The following ATOH8 variants were observed in gnomAD, a reference collection of about 807,000 sequenced individuals.
ATOH8 encodes transcription factor ATOH8.
A neutral mutation model predicts 21.2 loss-of-function variants in ATOH8; 9 were observed. That is an observed-to-expected ratio of 0.42 (90% CI 0.26 to 0.74). The LOEUF (loss-of-function observed/expected upper bound fraction) is 0.74, where lower values mean the gene tolerates loss of function less well. Among genes scored for constraint, ATOH8 ranks in the 30% least tolerant of loss-of-function variants. ATOH8 has a pLI of 0.24. For missense variants in ATOH8, 524 were observed against 470.9 expected (o/e 1.11, Z -1.04); for synonymous variants, 253 against 224.0 (o/e 1.13, Z -1.16).
chr2:85,770,581 G>A (rs571921254), intron 2 of ATOH8, among the ~76,000 whole-genome samples: 1 of 152,304 alleles, frequency 6.6e-6, no homozygotes, highest in East Asian at 1.9e-4. Flanking sequence ...CTCAGCTGCC[G>A]TTTCTCTTCT....
intron 1 of ATOH8, among the ~76,000 whole-genome samples, chr2:85,763,320 T>C (rs1397761794): frequency 2.6e-5 from 4 of 152,176 alleles, no homozygotes; most frequent in African/African-American, 9.7e-5. Flanking sequence ...TAGTTGGTGA[T>C]GAATCATTGA....
rs180907413 is a variant in ATOH8 at position 85,763,292 on chromosome 2, G to A, written c.769-699G>A. 1.1e-3 allele frequency among the ~76,000 whole-genome samples: 162 copies of A among 152,296 alleles called. 1 individual carries two copies. Among genetic ancestry groups the A allele is most frequent in the Non-Finnish European group, 1.9e-3 (131 of 68,026 alleles). On this transcript the variant is annotated intron_variant, in intron 1 of 2. Transcript: ENST00000306279. ...CATCTTTCACCCCATACAAATCCCT[G>A]TGCAATTAGTGAGGAGCTAGTTGGT...
intron 1 of ATOH8, among the ~76,000 whole-genome samples, chr2:85,758,347 G>A (rs989027865): frequency 1.3e-5 from 2 of 152,226 alleles, no homozygotes; most frequent in African/African-American, 2.4e-5. Flanking sequence ...AAGTTGTCCC[G>A]GTCTTTTGCC....
chr2:85,762,460 G>GT (rs1253123861), intron 1 of ATOH8, among the ~76,000 whole-genome samples: 1 of 152,346 alleles, frequency 6.6e-6, no homozygotes, highest in East Asian at 1.9e-4. Context: ...TTGAGGGCCT[G>GT]TTATGGGCAG....
intron 2 of ATOH8, among the ~76,000 whole-genome samples, chr2:85,769,110 G>A (rs1320251055): frequency 6.6e-6 from 1 of 152,216 alleles, no homozygotes; most frequent in Admixed American, 6.5e-5. Flanking sequence ...CACCTGGGCT[G>A]GGTGGGCCAC....
chr2:85,754,275 A>G lies in ATOH8; in HGVS notation c.86A>G (p.Lys29Arg). 4.3e-6 allele frequency: 7 copies of G among 1,610,174 alleles called. No homozygotes were observed. Among genetic ancestry groups the G allele is most frequent in the Non-Finnish European group, 5.9e-6 (7 of 1,178,914 alleles). The change falls in exon 1 of 3, where the codon AAA becomes AGA. Residue 29 changes from lysine (K) to arginine (R), a missense_variant. Transcript: ENST00000306279. ...AACGGCCTTAAGAAGCTCAAGCGGA[A>G]AGGCAAGGAGCCGGCGCGGCGCGCG... ...ELNGLKKLKR[K>R]GKEPARRANG...
Position 85,754,310 on chromosome 2 carries a change from A to G in ATOH8, c.121A>G (p.Lys41Glu). Residue 41 changes from lysine to glutamate, a missense_variant, in exon 1 of 3, where the codon AAA becomes GAA. Physicochemically the swap from Lys to Glu is moderately conservative, Grantham distance 56. Coordinates refer to ENST00000306279, the MANE Select transcript of ATOH8 (RefSeq NM_032827.7). The part of the protein sequence containing the change: ...KEPARRANGY[K>E]TFRLDLEAPE... ...GCCGGCGCGGCGCGCGAACGGCTAT[A>G]AAACTTTCCGACTGGACTTGGAAGC... 1 of 1,609,440 alleles carries G rather than the reference A, an allele frequency of 6.2e-7. No homozygotes were observed. Among genetic ancestry groups the G allele is most frequent in the South Asian group, 1.1e-5 (1 of 90,926 alleles).
At position 85,785,703 on chromosome 2, in the gene ATOH8, C is replaced by T. The variant is rs1680607989; in HGVS notation, c.961-1182C>T. 6.6e-6 allele frequency among the ~76,000 whole-genome samples: 1 copy of T among 152,216 alleles called. No homozygotes were observed. Among genetic ancestry groups the T allele is most frequent in the Non-Finnish European group, 1.5e-5 (1 of 68,024 alleles). ...ATCTGGATTCAAATCCTGGCACTGG[C>T]AACTTCTAGCACTTCCTTCTCGGAG... On this transcript the variant is annotated intron_variant, in intron 2 of 2. Coordinates refer to ENST00000306279, the MANE Select transcript of ATOH8 (RefSeq NM_032827.7). This position sits in a 1 kb window ranked among gnomAD's most constrained non-coding sequence, Gnocchi z 4.1.
intron 2 of ATOH8, among the ~76,000 whole-genome samples, chr2:85,781,339 G>A (rs898255169): frequency 6.6e-6 from 1 of 151,962 alleles, no homozygotes; most frequent in Non-Finnish European, 1.5e-5. Context: ...GGCTGAGGTG[G>A]GCGGATCACT....
intron 2 of ATOH8, chr2:85,772,576 C>T (rs904556814): frequency 1.0e-5 from 4 of 395,228 alleles, no homozygotes; most frequent in Non-Finnish European, 2.0e-5. Flanking sequence ...GGCACATTCC[C>T]CAGCTCTCCC....
chr2:85,778,924 C>A (rs981864115), intron 2 of ATOH8, among the ~76,000 whole-genome samples: 1 of 152,204 alleles, frequency 6.6e-6, no homozygotes, highest in South Asian at 2.1e-4. Context: ...CCAGTCTGCC[C>A]ATTGGTCTGC....
At chr2:85,773,988 G>A (rs1440260543) in intron 2 of ATOH8, 3 of 676,062 alleles carry the variant, frequency 4.4e-6, no homozygotes, top group Admixed American at 6.3e-5. Context: ...CTTCCCTTGG[G>A]GGCCGTGCGG....
chr2:85,789,737 C>T lies in ATOH8; in HGVS notation c.*2847C>T, dbSNP rs1573542740. ...TCCTCAAGTGATCTTAATGTGCAGG[C>T]AAGGTTGAAGCCGCTGGTCTAAGTG... On this transcript the variant is annotated 3_prime_UTR_variant, in exon 3 of 3. Coordinates refer to ENST00000306279, the MANE Select transcript of ATOH8 (RefSeq NM_032827.7). 6.6e-6 allele frequency among the ~76,000 whole-genome samples: 1 copy of T among 152,112 alleles called. No individual in the cohort carries two copies. The highest frequency in any genetic ancestry group is 1.5e-5 in the Non-Finnish European group (1 of 68,024).
intron 1 of ATOH8, among the ~76,000 whole-genome samples, chr2:85,755,773 C>G (rs925288453): frequency 6.6e-6 from 1 of 152,248 alleles, no homozygotes; most frequent in East Asian, 1.9e-4. Flanking sequence ...GGGACAATCG[C>G]TTGGGCTTCT....
At chr2:85,758,580 A>C (rs540225192) in intron 1 of ATOH8, among the ~76,000 whole-genome samples, 28 of 152,364 alleles carry the variant, frequency 1.8e-4, no homozygotes, top group African/African-American at 6.7e-4. Flanking sequence ...AGCATGAGGA[A>C]GCCAGACAGG....
intron 2 of ATOH8, among the ~76,000 whole-genome samples, chr2:85,784,348 G>A (rs1187190443): frequency 6.6e-6 from 1 of 151,960 alleles, no homozygotes; most frequent in Admixed American, 6.6e-5. Context: ...GACCAGCCTG[G>A]GCAACATAGT....
In ATOH8 at chr2:85,786,818, G is replaced by A. The variant is rs1390722276; in HGVS notation, c.961-67G>A. 7.5e-6 allele frequency: 12 copies of A among 1,609,330 alleles called. 1 individual carries two copies. In the South Asian group the frequency reaches 8.8e-5, roughly 12 times the overall value. On this transcript the variant is annotated intron_variant, in intron 2 of 2. Coordinates refer to ENST00000306279, the MANE Select transcript of ATOH8 (RefSeq NM_032827.7). ...GGAGGACTCAGTGAAGGGACATTCT[G>A]CAGCTGTCCAGAAACAGGAACCAGG... is the stretch of plus-strand genomic sequence containing the variant.
rs2104487656 is a variant in ATOH8 at position 85,754,545 on chromosome 2, C to T, written c.356C>T (p.Pro119Leu). The T allele has an allele frequency of 7.0e-7, 1 of 1,438,592 alleles. No individual in the cohort carries two copies. The highest frequency in any genetic ancestry group is 1.5e-5 in the African/African-American group (1 of 66,512). 89.1% of individuals were successfully genotyped at this position (1,438,592 alleles called of 1,614,324 possible). ...KRCFALGAVGPGLPTPPPPPP... is the reference protein window; with the variant it reads ...KRCFALGAVGLGLPTPPPPPP... ...TGCTTCGCCCTAGGCGCAGTGGGGCCAGGACTCCCCACGCCGCCGCCGCCG... is the reference window on the plus strand; with the variant it reads ...TGCTTCGCCCTAGGCGCAGTGGGGCTAGGACTCCCCACGCCGCCGCCGCCG... The change falls in exon 1 of 3, where the codon CCA becomes CTA. Residue 119 changes from proline (P) to leucine (L), a missense_variant. Physicochemically the swap from Pro to Leu is moderately conservative, Grantham distance 98. Coordinates refer to ENST00000306279, the MANE Select transcript of ATOH8 (RefSeq NM_032827.7).
intron 2 of ATOH8, among the ~76,000 whole-genome samples, chr2:85,770,227 C>T (rs906113107): frequency 5.9e-5 from 9 of 152,118 alleles, no homozygotes; most frequent in Non-Finnish European, 1.0e-4. Context: ...ATGGTGAGTC[C>T]GGGGCTCCCT....
Sources: gnomAD v4.1 joint callset for allele counts (sites outside exome capture counted in the v4.1 genomes callset) on GRCh38, gnomAD v4.1.1 for gene constraint, Gnocchi (gnomAD v3.1) non-coding constraint, MANE v1.5 for transcripts, NCBI Gene and HGNC (gene_info 2026-07-23, HGNC 2026-07-21) for gene names.